Variants in FOXP2 observed in about 807,000 individuals in gnomAD.
FOXP2 encodes forkhead box protein P2.
A neutral mutation model predicts 115.8 loss-of-function variants in FOXP2; 12 were observed. The ratio of observed to expected loss-of-function variants is 0.10; its 90% CI spans 0.07 to 0.17. The LOEUF is 0.17. FOXP2 is among the 10% of genes least tolerant of loss of function. The probability of loss-of-function intolerance (pLI) is 1.00; values close to 1 mark genes in which losing one functional copy is unlikely to be tolerated. For missense variants in FOXP2, 629 were observed against 843.5 expected, an observed-to-expected ratio of 0.75 and a Z score of 3.15; for synonymous variants, 328 against 297.7, an observed-to-expected ratio of 1.10 and a Z score of -1.05.
chr7:114,515,477 A>T (rs1798290301), intron 2 of FOXP2, among the ~76,000 whole-genome samples: 1 of 152,130 alleles, frequency 6.6e-6, no homozygotes, highest in Admixed American at 6.6e-5. Flanking sequence ...AGTGATGATG[A>T]GCATTTTTTC....
intron 1 of FOXP2, among the ~76,000 whole-genome samples, chr7:114,244,092 A>T (rs1795220111): frequency 6.6e-6 from 1 of 152,168 alleles, no homozygotes; most frequent in African/African-American, 2.4e-5. Context: ...TTTAATGCAT[A>T]GCATTTTCAC....
At chr7:114,154,189 G>A (rs1792597333) in intron 1 of FOXP2, among the ~76,000 whole-genome samples, 1 of 152,114 alleles carries the variant, frequency 6.6e-6, no homozygotes, top group Non-Finnish European at 1.5e-5. Context: ...AAAGCTGCAA[G>A]CATGTTACAA....
chr7:114,565,311 T>C (rs894366882), intron 3 of FOXP2, among the ~76,000 whole-genome samples: 1 of 152,176 alleles, frequency 6.6e-6, no homozygotes, highest in Non-Finnish European at 1.5e-5. Flanking sequence ...ATGGCTAATA[T>C]AGTTTATAGC....
chr7:114,163,032 A>C (rs560783952), upstream of FOXP2: 3 of 152,318 alleles, frequency 2.0e-5, no homozygotes, highest in East Asian at 3.9e-4. Context: ...CATTGTAAGC[A>C]CAAAGAATAA....
intron 1 of FOXP2, among the ~76,000 whole-genome samples, chr7:114,243,912 G>C (rs1795214145): frequency 6.8e-6 from 1 of 147,148 alleles, no homozygotes; most frequent in African/African-American, 2.6e-5. Flanking sequence ...ATGGTTTTTA[G>C]CTTGTTTTTT....
chr7:114,486,445 G>A (rs1796778234), intron 2 of FOXP2, among the ~76,000 whole-genome samples: 1 of 151,906 alleles, frequency 6.6e-6, no homozygotes, highest in Non-Finnish European at 1.5e-5. Flanking sequence ...ATTTGGGTGG[G>A]GACACAGCCA....
chr7:114,176,236 C>CT (rs974277411), intron 1 of FOXP2, among the ~76,000 whole-genome samples: 4 of 146,816 alleles, frequency 2.7e-5, no homozygotes, highest in African/African-American at 7.6e-5. Context: ...CTTGTCTTTT[C>CT]TTTCTTTCTT....
intron 1 of FOXP2, among the ~76,000 whole-genome samples, chr7:114,112,393 G>C (rs914983791): frequency 3.3e-5 from 5 of 151,990 alleles, no homozygotes; most frequent in Non-Finnish European, 7.4e-5. Context: ...TGCCTCCTAG[G>C]TTCAAGCAAT....
chr7:114,274,603 CTTTTTTTTTTTTTT>C (rs71157577), intron 1 of FOXP2, among the ~76,000 whole-genome samples: 1 of 42,552 alleles, frequency 2.4e-5, no homozygotes, highest in African/African-American at 9.1e-5. Flanking sequence ...CCTCTCAAAG[CTTTTTTTTTTTTTT>C]TTTTTTTTTT....
chr7:114,576,488 A>T (rs750430627), intron 3 of FOXP2, among the ~76,000 whole-genome samples: 1 of 151,924 alleles, frequency 6.6e-6, no homozygotes, highest in Non-Finnish European at 1.5e-5. Flanking sequence ...TGAAATTTAT[A>T]ATGAATAATT....
intron 1 of FOXP2, among the ~76,000 whole-genome samples, chr7:114,255,776 C>T (rs768504919): frequency 9.2e-5 from 14 of 152,096 alleles, no homozygotes; most frequent in Non-Finnish European, 1.9e-4. Context: ...TTGGCTCACA[C>T]TCGGTGTGCT....
At chr7:114,365,232 G>A (rs1424972953) in intron 2 of FOXP2, among the ~76,000 whole-genome samples, 1 of 152,142 alleles carries the variant, frequency 6.6e-6, no homozygotes, top group Admixed American at 6.5e-5. Flanking sequence ...TTTGTAAGAG[G>A]TGACCTTAGC....
chr7:114,299,140 A>G (rs1464374227), intron 2 of FOXP2, among the ~76,000 whole-genome samples: 1 of 152,150 alleles, frequency 6.6e-6, no homozygotes, highest in Non-Finnish European at 1.5e-5. Context: ...CAATCTTAAA[A>G]ATATACTGCT....
intron 2 of FOXP2, among the ~76,000 whole-genome samples, chr7:114,325,054 G>GTTA (rs2129181975): frequency 6.6e-6 from 1 of 151,904 alleles, no homozygotes; most frequent in South Asian, 2.1e-4. Context: ...GTTACAAGTA[G>GTTA]ATTTATGTTC....
intron 13 of FOXP2, 136 bp from the exon 14 acceptor site, chr7:114,661,929 C>A: frequency 5.5e-6 from 6 of 1,087,882 alleles, no homozygotes; most frequent in South Asian, 1.4e-5. Flanking sequence ...TAATATCATG[C>A]CATATTTTGA....
At chr7:114,215,532 A>G (rs1239317012) in intron 1 of FOXP2, among the ~76,000 whole-genome samples, 1 of 152,184 alleles carries the variant, frequency 6.6e-6, no homozygotes, top group Non-Finnish European at 1.5e-5. Flanking sequence ...TAATCCATAT[A>G]TTGAAATACT....
intron 1 of FOXP2, among the ~76,000 whole-genome samples, 159 bp from the exon 2 acceptor site, chr7:114,426,343 C>T (rs1272946009): frequency 1.3e-5 from 2 of 151,614 alleles, no homozygotes. Flanking sequence ...TGGATGAAAG[C>T]TGAATTTGTA....
At chr7:114,332,692 T>A (rs1047888579) in intron 2 of FOXP2, among the ~76,000 whole-genome samples, 1 of 152,130 alleles carries the variant, frequency 6.6e-6, no homozygotes, top group African/African-American at 2.4e-5. Context: ...GTGTTAAAAA[T>A]AAGGGTGGTT....
chr7:114,672,866 A>G lies in FOXP2; in HGVS notation c.2003+8430A>G, dbSNP rs1399477403. Reference sequence around the variant, plus strand: ...CAGCAGCGGATGGGTAACAACTCCAATAGGGCAGTTTGGTAATAGGAAATA... The same window carrying G: ...CAGCAGCGGATGGGTAACAACTCCAGTAGGGCAGTTTGGTAATAGGAAATA... On this transcript the variant is annotated intron_variant, in intron 16 of 16. Transcript: ENST00000350908. 4.6e-5 allele frequency among the ~76,000 whole-genome samples: 7 copies of G among 152,208 alleles called. No individual in the cohort carries two copies. In the East Asian group the frequency reaches 1.3e-3, roughly 29 times the overall value.
Sources: gnomAD v4.1 joint callset for allele counts (sites outside exome capture counted in the v4.1 genomes callset) on GRCh38, gnomAD v4.1.1 for gene constraint, MANE v1.5 for transcripts, NCBI Gene and HGNC (gene_info 2026-07-23, HGNC 2026-07-21) for gene names.